ZNF385D: variants seen among roughly 807,000 people sequenced by gnomAD.
ZNF385D encodes zinc finger protein 385D.
In ZNF385D, 15 loss-of-function variants were observed where a neutral mutation model predicts 35.8. That is an observed-to-expected ratio of 0.42 (90% CI 0.28 to 0.64). The LOEUF (loss-of-function observed/expected upper bound fraction) is 0.64. Among genes scored for constraint, ZNF385D ranks in the 30% least tolerant of loss-of-function variants. ZNF385D has a pLI of 0.23. For synonymous variants in ZNF385D, 212 were observed against 186.8 expected, an observed-to-expected ratio of 1.13 and a Z score of -1.10; for missense variants, 474 against 494.6, an observed-to-expected ratio of 0.96 and a Z score of 0.39.
At chr3:21,458,646 G>A (rs800615) in intron 4 of ZNF385D, among the ~76,000 whole-genome samples, 26,427 of 151,984 alleles carry the variant, frequency 0.17, 2,436 homozygotes, top group Middle Eastern at 0.22. Flanking sequence ...CAAAAACTGT[G>A]TCATGAATGA....
At chr3:21,845,230 GAT>G (rs1315102402) in intron 3 of ZNF385D, among the ~76,000 whole-genome samples, 1 of 151,832 alleles carries the variant, frequency 6.6e-6, no homozygotes, top group East Asian at 1.9e-4. Context: ...AGCTTCCTGA[GAT>G]TAAACATAAA....
chr3:22,131,594 A>G (rs1315077942), intron 3 of ZNF385D, among the ~76,000 whole-genome samples: 1 of 152,144 alleles, frequency 6.6e-6, no homozygotes, highest in East Asian at 1.9e-4. Context: ...ATGGGACTAA[A>G]AAGAGGACAG....
chr3:22,279,551 T>TATACATATGTACATATATATGTATATAC (rs1701619333), intron 2 of ZNF385D, among the ~76,000 whole-genome samples: 5 of 144,022 alleles, frequency 3.5e-5, no homozygotes, highest in African/African-American at 2.7e-5. Flanking sequence ...TGTATATACA[T>TATACATATGTACATATATATGTATATAC]ATACATATGT....
chr3:21,889,779 A>G (rs1032947600), intron 3 of ZNF385D, among the ~76,000 whole-genome samples: 1 of 152,136 alleles, frequency 6.6e-6, no homozygotes, highest in African/African-American at 2.4e-5. Context: ...ACAGAAATAT[A>G]TTATCTCACA....
chr3:21,993,014 G>C (rs1168253147), intron 3 of ZNF385D, among the ~76,000 whole-genome samples: 2 of 152,086 alleles, frequency 1.3e-5, no homozygotes, highest in Admixed American at 1.3e-4. Flanking sequence ...AGAAATTTTT[G>C]AGCTTGCTCA....
chr3:22,170,614 T>A (rs551085790), intron 2 of ZNF385D, among the ~76,000 whole-genome samples: 2 of 152,336 alleles, frequency 1.3e-5, no homozygotes, highest in Admixed American at 6.5e-5. Flanking sequence ...ATAATTTAAA[T>A]ATGCAATTTA....
At chr3:21,648,458 A>T (rs1437433375) in intron 2 of ZNF385D, among the ~76,000 whole-genome samples, 1 of 152,160 alleles carries the variant, frequency 6.6e-6, no homozygotes, top group Non-Finnish European at 1.5e-5. Context: ...CCGGCTGTAT[A>T]GAGTGCTAGG....
intron 3 of ZNF385D, among the ~76,000 whole-genome samples, chr3:22,068,521 A>C (rs1700075672): frequency 6.6e-6 from 1 of 152,100 alleles, no homozygotes; most frequent in Admixed American, 6.6e-5. Context: ...TACCAATTTA[A>C]AACTTTTTAT....
intron 3 of ZNF385D, among the ~76,000 whole-genome samples, chr3:22,140,479 A>G (rs1704438653): frequency 6.6e-6 from 1 of 152,168 alleles, no homozygotes; most frequent in Non-Finnish European, 1.5e-5. Context: ...GGTTGTGGGC[A>G]TGGTTATGAA....
At chr3:21,777,616 TC>T (rs1250152245) in intron 3 of ZNF385D, 1 of 151,936 alleles carries the variant, frequency 6.6e-6, no homozygotes, top group Non-Finnish European at 1.5e-5. Flanking sequence ...ACATAGATCT[TC>T]CCATTGGAGA....
chr3:22,044,940 G>A (rs1021711591), intron 3 of ZNF385D, among the ~76,000 whole-genome samples: 3 of 151,960 alleles, frequency 2.0e-5, no homozygotes, highest in Non-Finnish European at 2.9e-5. Context: ...ATACGGAGAG[G>A]TACATAAAAA....
chr3:22,196,498 G>A (rs1352702638), intron 2 of ZNF385D, among the ~76,000 whole-genome samples: 1 of 151,426 alleles, frequency 6.6e-6, no homozygotes, highest in Non-Finnish European at 1.5e-5. Context: ...CTTGCATTTT[G>A]ACTGAACTAT....
chr3:21,530,599 G>T (rs746577462), intron 3 of ZNF385D, among the ~76,000 whole-genome samples: 1 of 152,076 alleles, frequency 6.6e-6, no homozygotes, highest in Non-Finnish European at 1.5e-5. Context: ...ACATACTAAG[G>T]GTGTTTTCAT....
chr3:21,891,119 A>C (rs3912209), intron 3 of ZNF385D, among the ~76,000 whole-genome samples: 1 of 152,204 alleles, frequency 6.6e-6, no homozygotes. Flanking sequence ...GTAATACTCT[A>C]TAAGATTTTT....
chr3:21,506,962 T>TAGGG (rs1553603188), intron 4 of ZNF385D, among the ~76,000 whole-genome samples: 1 of 151,320 alleles, frequency 6.6e-6, no homozygotes, highest in Non-Finnish European at 1.5e-5. Context: ...CTGGCATAAT[T>TAGGG]AGAGAAAAAG....
chr3:21,498,580 A>G (rs1706101340), intron 4 of ZNF385D, among the ~76,000 whole-genome samples: 1 of 71,892 alleles, frequency 1.4e-5, no homozygotes, highest in Admixed American at 1.6e-4. Context: ...AGACATACAC[A>G]TGGCCAAAAA....
chr3:21,668,256 T>C (rs1412511864), intron 1 of ZNF385D, among the ~76,000 whole-genome samples: 1 of 152,138 alleles, frequency 6.6e-6, no homozygotes, highest in East Asian at 1.9e-4. Flanking sequence ...GAGGAGTTGA[T>C]AGCCCCAAGC....
chr3:22,309,795 C>A lies in ZNF385D; in HGVS notation c.106+62655G>T, dbSNP rs749689067. 5.9e-5 allele frequency among the ~76,000 whole-genome samples: 9 copies of A among 151,964 alleles called. No individual in the cohort carries two copies. The East Asian group carries it at 1.7e-3, about 29-fold the overall frequency. Reference sequence around the variant, plus strand: ...AAATGGCCAATCTACTATAGTATAGCCTTTCAAAATTAAGTATTTTCACAT... The same window carrying A: ...AAATGGCCAATCTACTATAGTATAGACTTTCAAAATTAAGTATTTTCACAT... On this transcript the variant is annotated intron_variant, in intron 2 of 5. Coordinates refer to the ZNF385D transcript ENST00000494108.
intron 2 of ZNF385D, among the ~76,000 whole-genome samples, chr3:22,238,303 G>C (rs1699304086): frequency 6.6e-6 from 1 of 150,916 alleles, no homozygotes; most frequent in South Asian, 2.2e-4. Flanking sequence ...GGGGTCCCTT[G>C]CATTTCCATA....
Sources: allele counts gnomAD v4.1 joint callset (sites outside exome capture counted in the v4.1 genomes callset), GRCh38; gene constraint gnomAD v4.1.1; transcripts MANE v1.5; gene names NCBI Gene and HGNC (gene_info 2026-07-23, HGNC 2026-07-21).